Variants in ABLIM2 observed in about 807,000 individuals in gnomAD.
The protein encoded by ABLIM2 is actin binding LIM protein family member 2.
A neutral mutation model predicts 97.7 loss-of-function variants in ABLIM2; 53 were observed. That is an observed-to-expected ratio of 0.54 (90% CI 0.44 to 0.68). The LOEUF is 0.68. ABLIM2 is among the 30% of genes least tolerant of loss of function. The probability of loss-of-function intolerance (pLI) is 0.00; values close to 1 mark genes in which losing one functional copy is unlikely to be tolerated. For missense variants in ABLIM2, 835 were observed against 867.2 expected (o/e 0.96, Z 0.47); for synonymous variants, 361 against 345.8 (o/e 1.04, Z -0.49).
intron 7 of ABLIM2, among the ~76,000 whole-genome samples, chr4:8,059,215 C>T (rs1028218271): frequency 1.3e-4 from 20 of 152,014 alleles, no homozygotes; most frequent in African/African-American, 4.3e-4. Context: ...AGTGATGGGG[C>T]TCAGAACATG....
intron 8 of ABLIM2, 41 bp from the exon 9 acceptor site, chr4:8,045,282 C>A (rs1275139041): frequency 6.4e-7 from 1 of 1,552,236 alleles, no homozygotes; most frequent in Non-Finnish European, 8.9e-7. Context: ...CAGGTACCAA[C>A]ATTCGGGGCC....
chr4:8,079,186 A>G (rs534889218), intron 5 of ABLIM2, among the ~76,000 whole-genome samples: 37 of 152,218 alleles, frequency 2.4e-4, no homozygotes, highest in Non-Finnish European at 4.7e-4. Flanking sequence ...GAGACATACA[A>G]TGAGTCCTCA....
intron 17 of ABLIM2, among the ~76,000 whole-genome samples, chr4:7,991,545 G>A (rs1460997005): frequency 6.6e-6 from 1 of 152,138 alleles, no homozygotes; most frequent in East Asian, 1.9e-4. Flanking sequence ...TTTTGGTGTC[G>A]TAGGAGTCCT....
At chr4:8,078,242 G>A (rs1817560368) in intron 5 of ABLIM2, among the ~76,000 whole-genome samples, 1 of 152,248 alleles carries the variant, frequency 6.6e-6, no homozygotes, top group African/African-American at 2.4e-5. Flanking sequence ...AATATGAGGG[G>A]TGACAAAGGC....
At position 8,140,784 on chromosome 4, in the gene ABLIM2, G is replaced by A. The variant is rs1401790769; in HGVS notation, c.10+17896C>T. Among the ~76,000 whole-genome samples the A allele has an allele frequency of 1.5e-4, 23 of 152,176 alleles. No individual in the cohort carries two copies. Among genetic ancestry groups the A allele is most frequent in the Admixed American group, 1.5e-3 (23 of 15,278 alleles). Reference sequence around the variant, plus strand: ...GGAGGGAAAGGGCTGACGATATTCAGAAAAGAGTGCATTTACCCCAGCTCC... The same window carrying A: ...GGAGGGAAAGGGCTGACGATATTCAAAAAAGAGTGCATTTACCCCAGCTCC... On this transcript the variant is annotated intron_variant, in intron 1 of 20. Coordinates refer to ENST00000447017, the MANE Select transcript of ABLIM2 (RefSeq NM_001130083.2). The surrounding 1 kb of genome is among the most constrained non-coding windows in gnomAD (Gnocchi z 5.9).
intron 8 of ABLIM2, among the ~76,000 whole-genome samples, chr4:8,049,214 A>G (rs1378857913): frequency 6.6e-6 from 1 of 152,242 alleles, no homozygotes; most frequent in African/African-American, 2.4e-5. Context: ...CTATGTTCAC[A>G]GTGCTCAATC....
chr4:8,154,732 C>T (rs576793676), intron 1 of ABLIM2, among the ~76,000 whole-genome samples: 1 of 152,328 alleles, frequency 6.6e-6, no homozygotes, highest in East Asian at 1.9e-4. Context: ...GGGTTGTTCT[C>T]GTCTGTTGCT....
intron 14 of ABLIM2, among the ~76,000 whole-genome samples, chr4:8,009,536 C>T (rs1028641381): frequency 2.0e-5 from 3 of 152,254 alleles, no homozygotes; most frequent in Middle Eastern, 3.4e-3. Context: ...GCTGGGATTA[C>T]AGGTGTGCAT....
chr4:8,012,487 C>T (rs184875020), intron 14 of ABLIM2, among the ~76,000 whole-genome samples: 101 of 147,514 alleles, frequency 6.8e-4, no homozygotes, highest in African/African-American at 2.4e-3. Flanking sequence ...ATCCTTCACT[C>T]ATCCATCCAT....
At chr4:8,036,060 C>T in intron 10 of ABLIM2, 89 bp downstream of exon 10, 5 of 1,495,046 alleles carry the variant, frequency 3.3e-6, no homozygotes, top group South Asian at 1.3e-5. Flanking sequence ...GGCTCTGGCC[C>T]CATAGGACAC....
chr4:8,091,595 T>TTATATATAATTTTATATAA (rs1561333449), intron 3 of ABLIM2, among the ~76,000 whole-genome samples: 6 of 29,688 alleles, frequency 2.0e-4, no homozygotes, highest in East Asian at 1.9e-3. Flanking sequence ...ATTATATATA[T>TTATATATAATTTTATATAA]AATTATATAT....
rs550398858 is a variant in ABLIM2, at chr4:7,986,215, C to T, written c.1681-1322G>A. ...AGACGGTATGCTCAGCCCAGCGGGT[C>T]TGTCACAGGGCAAAGTGTTTTCAAC... On this transcript the variant is annotated intron_variant, in intron 17 of 20. Transcript: ENST00000447017. The surrounding 1 kb of genome is among the most constrained non-coding windows in gnomAD (Gnocchi z 4.3). Among the ~76,000 whole-genome samples, 1 of 152,236 alleles carries T rather than the reference C, an allele frequency of 6.6e-6. No homozygotes were observed. Among genetic ancestry groups the T allele is most frequent in the Non-Finnish European group, 1.5e-5 (1 of 68,046 alleles).
rs192070724 is a variant in ABLIM2, at chr4:7,992,341, G to T, written c.1680+525C>A. ...CAGTCTTCAGCTAGGGGCAGCCAAAGAGCCTGACTTCAAGTTAATCCAATC... is the reference window on the plus strand; with the variant it reads ...CAGTCTTCAGCTAGGGGCAGCCAAATAGCCTGACTTCAAGTTAATCCAATC... On this transcript the variant is annotated intron_variant, in intron 17 of 20. Transcript: ENST00000447017. The surrounding 1 kb of genome is among the most constrained non-coding windows in gnomAD (Gnocchi z 5.7). Among the ~76,000 whole-genome samples, 683 of 152,316 alleles carry T rather than the reference G, an allele frequency of 4.5e-3. 9 individuals are homozygous for T. The highest frequency in any genetic ancestry group is 0.014 in the Admixed American group (218 of 15,300).
chr4:8,053,879 C>T (rs905191262), intron 8 of ABLIM2, among the ~76,000 whole-genome samples: 3 of 152,172 alleles, frequency 2.0e-5, no homozygotes, highest in Non-Finnish European at 4.4e-5. Flanking sequence ...TCATCAGATG[C>T]CGCACCCTGC....
intron 7 of ABLIM2, among the ~76,000 whole-genome samples, chr4:8,055,567 G>A (rs758697324): frequency 6.6e-6 from 1 of 152,242 alleles, no homozygotes; most frequent in African/African-American, 2.4e-5. Flanking sequence ...TGAGGGCTGT[G>A]GCTGACTTGT....
intron 8 of ABLIM2, among the ~76,000 whole-genome samples, chr4:8,052,121 A>G (rs1243945265): frequency 6.6e-6 from 1 of 152,072 alleles, no homozygotes; most frequent in Admixed American, 6.6e-5. Context: ...TTCTAATTCT[A>G]CTAGAGATGA....
chr4:8,016,583 G>T (rs988514249), intron 14 of ABLIM2, among the ~76,000 whole-genome samples: 2 of 152,148 alleles, frequency 1.3e-5, no homozygotes, highest in African/African-American at 4.8e-5. Context: ...CTCCTGGGAG[G>T]GTTGCAGGTC....
At position 8,072,775 on chromosome 4, in the gene ABLIM2, G is replaced by A. The variant is rs1434852894; in HGVS notation, c.675+4853C>T. ...CGGAGGGAGAGTGCCTGCATGTGGT[G>A]TTGGCCTGGCTGAGCATCAGAGCCA... is the stretch of plus-strand genomic sequence containing the variant. On this transcript the variant is annotated intron_variant, in intron 6 of 20. Transcript: ENST00000447017. The surrounding 1 kb of genome is among the most constrained non-coding windows in gnomAD (Gnocchi z 5.8). Among the ~76,000 whole-genome samples the A allele has an allele frequency of 6.6e-6, 1 of 152,192 alleles. No individual in the cohort carries two copies. Among genetic ancestry groups the A allele is most frequent in the Non-Finnish European group, 1.5e-5 (1 of 68,052 alleles).
intron 6 of ABLIM2, among the ~76,000 whole-genome samples, chr4:8,074,470 A>C (rs147020145): frequency 9.2e-5 from 14 of 152,280 alleles, no homozygotes; most frequent in African/African-American, 3.1e-4. Context: ...GAAATTTAAA[A>C]AAGCAAGATC....
Sources: gnomAD v4.1 joint callset for allele counts (sites outside exome capture counted in the v4.1 genomes callset) on GRCh38, gnomAD v4.1.1 for gene constraint, Gnocchi (gnomAD v3.1) non-coding constraint, MANE v1.5 for transcripts, NCBI Gene and HGNC (gene_info 2026-07-23, HGNC 2026-07-21) for gene names.